TTF2: variants seen among roughly 807,000 people sequenced by gnomAD.
The protein encoded by TTF2 is transcription termination factor 2, also known as RNA polymerase II termination factor.
Under a neutral mutation model 142.4 loss-of-function variants are expected in TTF2, and 108 were observed. That is an observed-to-expected ratio of 0.76 (90% CI 0.65 to 0.89). The LOEUF is 0.89. Ranked by LOEUF, TTF2 falls within the 40% of genes least tolerant of loss-of-function variation. The pLI is 0.00. For synonymous variants in TTF2, 483 were observed against 506.2 expected, an observed-to-expected ratio of 0.95 and a Z score of 0.61; for missense variants, 1,327 against 1,379.8, an observed-to-expected ratio of 0.96 and a Z score of 0.61.
rs1374390584 is a variant in TTF2, at chr1:117,075,530, C to A, written c.946C>A (p.Arg316=). ...KSLPQGHFQE[R]PETHSVPAPG... ...CCTGCCTCAGGGGCATTTCCAAGAG[C>A]GGCCGGAGACCCACAGTGTGCCTGC... Residue 316 remains arginine, a synonymous_variant, in exon 5 of 23, where the codon CGG becomes AGG. Transcript: ENST00000369466. This position sits in a 1 kb window ranked among gnomAD's most constrained non-coding sequence, Gnocchi z 4.5. 5.0e-6 allele frequency: 8 copies of A among 1,614,020 alleles called. No homozygotes were observed. Among genetic ancestry groups the A allele is most frequent in the Non-Finnish European group, 6.8e-6 (8 of 1,180,026 alleles).
Position 117,085,985 on chromosome 1 carries a change from C to T in TTF2, c.2055-432C>T, listed in dbSNP as rs1395021586. 6.6e-6 allele frequency among the ~76,000 whole-genome samples: 1 copy of T among 152,138 alleles called. No individual in the cohort carries two copies. Among genetic ancestry groups the T allele is most frequent in the Admixed American group, 6.6e-5 (1 of 15,260 alleles). On this transcript the variant is annotated intron_variant, in intron 11 of 22. Transcript: ENST00000369466. This position sits in a 1 kb window ranked among gnomAD's most constrained non-coding sequence, Gnocchi z 4.7. ...AACAGTGTTTTGAAGTTATCTTTCTCCCCTGGGACTTTGGTGTCATCCATC... is the reference window on the plus strand; with the variant it reads ...AACAGTGTTTTGAAGTTATCTTTCTTCCCTGGGACTTTGGTGTCATCCATC...
rs886716744 is a variant in TTF2, at chr1:117,093,710, C to G, written c.2976+809C>G. On this transcript the variant is annotated intron_variant, in intron 18 of 22. Transcript: ENST00000369466. This position sits in a 1 kb window ranked among gnomAD's most constrained non-coding sequence, Gnocchi z 4.5. ...CTGAGAGAAACATAAGAAGAGCATC[C>G]CATGTGGCCAGAACACACATGCTAG... 3.3e-5 allele frequency among the ~76,000 whole-genome samples: 5 copies of G among 152,164 alleles called. No individual in the cohort carries two copies. The highest frequency in any genetic ancestry group is 7.3e-5 in the Non-Finnish European group (5 of 68,030).
chr1:117,082,943 A>G (rs927512610), intron 10 of TTF2, among the ~76,000 whole-genome samples: 2 of 152,304 alleles, frequency 1.3e-5, no homozygotes, highest in African/African-American at 4.8e-5. Context: ...AGTTGCTTAG[A>G]TAGATTAAAA....
Position 117,092,805 on chromosome 1 carries a change from G to C in TTF2, c.2880G>C (p.Leu960Phe). The change falls in exon 18 of 23, where the codon TTG becomes TTC. Residue 960 changes from leucine to phenylalanine, a missense_variant. Coordinates refer to ENST00000369466, the MANE Select transcript of TTF2 (RefSeq NM_003594.4). The surrounding 1 kb of genome is among the most constrained non-coding windows in gnomAD (Gnocchi z 4.4). ...SLEEQLSALTLSELRDSEPSS... is the reference protein window; with the variant it reads ...SLEEQLSALTFSELRDSEPSS... ...AAGAACAGCTCAGTGCTTTGACCTT[G>C]TCAGAACTCCGTGACTCAGAGCCAT... The C allele has an allele frequency of 6.2e-7, 1 of 1,614,198 alleles. No individual in the cohort carries two copies.
At chr1:117,067,773 C>T (rs956147862) in intron 3 of TTF2, among the ~76,000 whole-genome samples, 1 of 152,166 alleles carries the variant, frequency 6.6e-6, no homozygotes, top group Non-Finnish European at 1.5e-5. Flanking sequence ...CCCTCACATA[C>T]TCTGGGTTTT....
rs1410041469 is a variant in TTF2 at position 117,091,901 on chromosome 1, A to G, written c.2756A>G (p.Gln919Arg). 2 of 1,612,956 alleles carry G rather than the reference A, an allele frequency of 1.2e-6. No individual in the cohort carries two copies. The highest frequency in any genetic ancestry group is 1.7e-6 in the Non-Finnish European group (2 of 1,179,782). The change falls in exon 17 of 23, where the codon CAG (glutamine) becomes CGG (arginine). Residue 919 changes from glutamine (Q) to arginine (R), a missense_variant. Transcript: ENST00000369466. ...TCCAGCACCGTCCACATACTGTCCC[A>G]GTTGCTGAGACTCCGCCAGTGTTGC... ...PRSSTVHILS[Q>R]LLRLRQCCCH...
At chr1:117,071,869 TA>T (rs1320253180) in intron 3 of TTF2, among the ~76,000 whole-genome samples, 1 of 152,076 alleles carries the variant, frequency 6.6e-6, no homozygotes, top group Non-Finnish European at 1.5e-5. Flanking sequence ...GGTGTAAATG[TA>T]ATTGTGTTTT....
At chr1:117,083,638 C>G (rs1234214170) in intron 10 of TTF2, among the ~76,000 whole-genome samples, 1 of 152,158 alleles carries the variant, frequency 6.6e-6, no homozygotes, top group African/African-American at 2.4e-5. Context: ...CTTTCCTCCC[C>G]CTGTTTAGCC....
At chr1:117,062,201 A>G (rs556268819) in intron 2 of TTF2, among the ~76,000 whole-genome samples, 186 bp from the exon 3 acceptor site, 1 of 152,324 alleles carries the variant, frequency 6.6e-6, no homozygotes, top group African/African-American at 2.4e-5. Context: ...AAAGTGGGTA[A>G]AGATGAAAGC....
Position 117,090,031 on chromosome 1 carries a change from T to C in TTF2, c.2343-24T>C. The C allele has an allele frequency of 6.2e-7, 1 of 1,609,432 alleles. No individual in the cohort carries two copies. Among genetic ancestry groups the C allele is most frequent in the East Asian group, 2.2e-5 (1 of 44,758 alleles). On this transcript the variant is annotated intron_variant, in intron 13 of 22. Coordinates refer to ENST00000369466, the MANE Select transcript of TTF2 (RefSeq NM_003594.4). The surrounding 1 kb of genome is among the most constrained non-coding windows in gnomAD (Gnocchi z 4.8). The stretch of plus-strand genomic sequence containing the variant: ...CCCTGACTTTTCCTTCCCTACTCTG[T>C]GCCCTTCTTCCTCAACAAAAAAGGT...
At chr1:117,068,968 T>A (rs3767771) in intron 3 of TTF2, among the ~76,000 whole-genome samples, 13,146 of 152,320 alleles carry the variant, frequency 0.086, 958 homozygotes, top group African/African-American at 0.19. Context: ...CATCATATGG[T>A]AGTGTAAACT....
chr1:117,081,297 C>T (rs1296792721), intron 9 of TTF2, among the ~76,000 whole-genome samples: 1 of 152,264 alleles, frequency 6.6e-6, no homozygotes, highest in Middle Eastern at 3.4e-3. Flanking sequence ...ATGAGGATAA[C>T]CGTATTCTGT....
Position 117,086,402 on chromosome 1 carries a change from G to T in TTF2, c.2055-15G>T, listed in dbSNP as rs1648014075. The T allele has an allele frequency of 1.3e-6, 2 of 1,590,978 alleles. No homozygotes were observed. Among genetic ancestry groups the T allele is most frequent in the Admixed American group, 1.7e-5 (1 of 59,826 alleles). The stretch of plus-strand genomic sequence containing the variant: ...AGTGGGACCATTTATTGATTTCTTT[G>T]TTATGTCTACGCAGCCTCTCTACAT... On this transcript the variant is annotated splice_polypyrimidine_tract_variant and intron_variant, in intron 11 of 22. Coordinates refer to ENST00000369466, the MANE Select transcript of TTF2 (RefSeq NM_003594.4). The surrounding 1 kb of genome is among the most constrained non-coding windows in gnomAD (Gnocchi z 4.2).
chr1:117,096,089 C>T, intron 19 of TTF2, 60 bp from the exon 20 acceptor site: 1 of 1,587,570 alleles, frequency 6.3e-7, no homozygotes, highest in East Asian at 2.2e-5. Flanking sequence ...CATTAAAGCC[C>T]TGCAGATGAG....
At chr1:117,066,432 A>G (rs962268767) in intron 3 of TTF2, among the ~76,000 whole-genome samples, 10 of 152,286 alleles carry the variant, frequency 6.6e-5, no homozygotes, top group Admixed American at 3.3e-4. Flanking sequence ...GGTAGGGCAT[A>G]TAAACGTGTT....
intron 12 of TTF2, among the ~76,000 whole-genome samples, 155 bp from the exon 13 acceptor site, chr1:117,088,646 C>G (rs945115006): frequency 6.6e-6 from 1 of 152,168 alleles, no homozygotes; most frequent in Non-Finnish European, 1.5e-5. Context: ...ACGTTTTACT[C>G]TTGGGTTTCT....
At chr1:117,089,265 TATA>T (rs1171080442) in intron 13 of TTF2, among the ~76,000 whole-genome samples, 1 of 147,256 alleles carries the variant, frequency 6.8e-6, no homozygotes, top group Non-Finnish European at 1.5e-5. Flanking sequence ...ATATGCTATA[TATA>T]TATATATATG....
chr1:117,090,244 G>C lies in TTF2; in HGVS notation c.2496+36G>C. 1.2e-6 allele frequency: 2 copies of C among 1,606,858 alleles called. No homozygotes were observed. The highest frequency in any genetic ancestry group is 1.7e-6 in the Non-Finnish European group (2 of 1,176,554). ...TTGTACCTGTCCCTGGGGGAGGCCA[G>C]GGAAGGAACATGACTGTGTCCTTGT... is the stretch of plus-strand genomic sequence containing the variant. On this transcript the variant is annotated intron_variant, in intron 14 of 22. Coordinates refer to ENST00000369466, the MANE Select transcript of TTF2 (RefSeq NM_003594.4). This position sits in a 1 kb window ranked among gnomAD's most constrained non-coding sequence, Gnocchi z 4.8.
chr1:117,075,433 G>C lies in TTF2; in HGVS notation c.849G>C (p.Lys283Asn). 6.2e-7 allele frequency: 1 copy of C among 1,614,168 alleles called. No homozygotes were observed. Among genetic ancestry groups the C allele is most frequent in the Non-Finnish European group, 8.5e-7 (1 of 1,180,000 alleles). Reference protein sequence around the residue: ...SKPQKGGPLNKEYTNWEAKET... With the variant: ...SKPQKGGPLNNEYTNWEAKET... ...CCCAGAAAGGGGGACCCCTCAACAA[G>C]GAGTACACGAACTGGGAGGCTAAAG... The change falls in exon 5 of 23, where the codon AAG becomes AAC. Residue 283 changes from lysine (K) to asparagine (N), a missense_variant. Lys to Asn is a moderately conservative substitution (Grantham distance 94). Transcript: ENST00000369466. The surrounding 1 kb of genome is among the most constrained non-coding windows in gnomAD (Gnocchi z 4.5).
Sources: allele counts gnomAD v4.1 joint callset (sites outside exome capture counted in the v4.1 genomes callset), GRCh38; gene constraint gnomAD v4.1.1; non-coding constraint Gnocchi (gnomAD v3.1); transcripts MANE v1.5; gene names NCBI Gene and HGNC (gene_info 2026-07-23, HGNC 2026-07-21).